TMEM132C: variants seen among roughly 807,000 people sequenced by gnomAD.
The protein encoded by TMEM132C is transmembrane protein 132C, also known as protein phosphatase 1, regulatory subunit 152.
Under a neutral mutation model 61.4 loss-of-function variants are expected in TMEM132C, and 29 were observed. That is an observed-to-expected ratio of 0.47 (90% CI 0.35 to 0.64). The LOEUF (loss-of-function observed/expected upper bound fraction) is 0.64, where lower values mean the gene tolerates loss of function less well. Among genes scored for constraint, TMEM132C ranks in the 30% least tolerant of loss-of-function variants. The pLI is 0.00. For synonymous variants in TMEM132C, 656 were observed against 633.1 expected, an observed-to-expected ratio of 1.04 and a Z score of -0.54; for missense variants, 1,408 against 1,476.9, an observed-to-expected ratio of 0.95 and a Z score of 0.76.
intron 1 of TMEM132C, among the ~76,000 whole-genome samples, chr12:128,312,482 A>G (rs896188618): frequency 2.6e-5 from 4 of 152,010 alleles, no homozygotes; most frequent in African/African-American, 4.8e-5. Context: ...ATTTTTGTAC[A>G]TTTTATGGAG....
At chr12:128,483,525 T>G (rs1871386883) in intron 2 of TMEM132C, among the ~76,000 whole-genome samples, 1 of 152,100 alleles carries the variant, frequency 6.6e-6, no homozygotes, top group South Asian at 2.1e-4. Flanking sequence ...CTGTGGTGGT[T>G]GTTTCCTCCC....
At chr12:128,390,002 CTGAG>C (rs1465534116) in intron 1 of TMEM132C, among the ~76,000 whole-genome samples, 1 of 152,180 alleles carries the variant, frequency 6.6e-6, no homozygotes, top group African/African-American at 2.4e-5. Flanking sequence ...CCCCAGTCTC[CTGAG>C]TATCTGGGCT....
intron 4 of TMEM132C, among the ~76,000 whole-genome samples, chr12:128,640,779 G>A (rs1271088173): frequency 6.6e-6 from 1 of 152,106 alleles, no homozygotes; most frequent in East Asian, 1.9e-4. Context: ...TCCAGCTACT[G>A]GGGAGGCTGA....
At chr12:128,577,774 G>A (rs1875172470) in intron 3 of TMEM132C, among the ~76,000 whole-genome samples, 1 of 152,178 alleles carries the variant, frequency 6.6e-6, no homozygotes, top group South Asian at 2.1e-4. Context: ...CCTGGGATGA[G>A]TCTCTCCTCC....
chr12:128,269,500 A>G (rs1408997439), intron 1 of TMEM132C, among the ~76,000 whole-genome samples: 2 of 152,096 alleles, frequency 1.3e-5, no homozygotes, highest in Non-Finnish European at 2.9e-5. Flanking sequence ...ATATTTGCAC[A>G]ACAAGGGAAA....
chr12:128,637,710 C>T (rs35954526), intron 4 of TMEM132C, among the ~76,000 whole-genome samples: 17,862 of 152,148 alleles, frequency 0.12, 1,188 homozygotes, highest in Non-Finnish European at 0.15. Context: ...CCCCATGTTC[C>T]TCTCGCCACG....
chr12:128,671,401 A>G (rs1178261309), intron 5 of TMEM132C, among the ~76,000 whole-genome samples: 2 of 152,196 alleles, frequency 1.3e-5, no homozygotes, highest in African/African-American at 4.8e-5. Flanking sequence ...TTACCAAGCC[A>G]GAAATGAAGC....
chr12:128,612,707 T>G (rs1367489577), intron 3 of TMEM132C, among the ~76,000 whole-genome samples: 1 of 152,246 alleles, frequency 6.6e-6, no homozygotes, highest in African/African-American at 2.4e-5. Context: ...AACAGTCACG[T>G]GTTATTTTTA....
At chr12:128,371,440 A>G (rs1330521004) in intron 1 of TMEM132C, among the ~76,000 whole-genome samples, 1 of 152,210 alleles carries the variant, frequency 6.6e-6, no homozygotes, top group Admixed American at 6.5e-5. Context: ...ATCAGAGCCA[A>G]CAGACTCATC....
At chr12:128,571,250 C>A (rs994724699) in intron 3 of TMEM132C, among the ~76,000 whole-genome samples, 1 of 152,190 alleles carries the variant, frequency 6.6e-6, no homozygotes, top group Non-Finnish European at 1.5e-5. Context: ...GCCTTCTACC[C>A]TTTTTTATTT....
At chr12:128,646,234 G>A (rs111591086) in intron 4 of TMEM132C, among the ~76,000 whole-genome samples, 4,492 of 139,624 alleles carry the variant, frequency 0.032, 202 homozygotes, top group African/African-American at 0.11. Context: ...ACTGGAGTCC[G>A]TCAGCGTTGG....
rs55760351 is a variant in TMEM132C, at chr12:128,706,172, C to T, written c.3204C>T (p.Cys1068=). 83,396 of 1,550,798 alleles carry T rather than the reference C, an allele frequency of 0.054. 2,962 individuals are homozygous for T. The highest frequency in any genetic ancestry group is 0.16 in the African/African-American group (12,052 of 73,104). Residue 1068 remains cysteine (C), a synonymous_variant, in exon 9 of 9, where the codon TGC becomes TGT. Coordinates refer to ENST00000435159, the MANE Select transcript of TMEM132C (RefSeq NM_001136103.3). ...TFTTIPPDDS[C]PTVNSIVSSN... is the part of the protein sequence containing the mutation. ...CCACCATCCCCCCGGACGACAGCTG[C>T]CCCACGGTGAACTCCATCGTCAGCA...
At chr12:128,567,828 G>C (rs1874754855) in intron 3 of TMEM132C, among the ~76,000 whole-genome samples, 1 of 152,194 alleles carries the variant, frequency 6.6e-6, no homozygotes, top group African/African-American at 2.4e-5. Flanking sequence ...TGATGTGAAG[G>C]TTCTAGGCTA....
chr12:128,582,520 C>A (rs569842038), intron 3 of TMEM132C, among the ~76,000 whole-genome samples: 1 of 150,256 alleles, frequency 6.7e-6, no homozygotes. Context: ...TCCCATAATT[C>A]CCATGTGTTG....
chr12:128,334,415 G>A (rs1872742258), intron 1 of TMEM132C, among the ~76,000 whole-genome samples: 1 of 152,100 alleles, frequency 6.6e-6, no homozygotes, highest in South Asian at 2.1e-4. Context: ...TCCCTATTGA[G>A]CCTGATGGTT....
At chr12:128,578,595 G>C (rs985067104) in intron 3 of TMEM132C, among the ~76,000 whole-genome samples, 1 of 152,002 alleles carries the variant, frequency 6.6e-6, no homozygotes, top group East Asian at 1.9e-4. Context: ...GGTTTTTGTT[G>C]TTGTTGTTGT....
intron 2 of TMEM132C, among the ~76,000 whole-genome samples, chr12:128,436,665 T>C (rs1869602886): frequency 6.6e-6 from 1 of 152,168 alleles, no homozygotes; most frequent in Admixed American, 6.5e-5. Flanking sequence ...GGAGAGGATG[T>C]GGAGAAATAG....
At chr12:128,457,305 T>TAAAAATAAAA (rs1870377910) in intron 2 of TMEM132C, among the ~76,000 whole-genome samples, 1 of 120,894 alleles carries the variant, frequency 8.3e-6, no homozygotes. Context: ...TCTCCATCTG[T>TAAAAATAAAA]AAAAAAAAAA....
chr12:128,340,165 G>A (rs1300834293), intron 1 of TMEM132C, among the ~76,000 whole-genome samples: 2 of 152,136 alleles, frequency 1.3e-5, no homozygotes, highest in African/African-American at 4.8e-5. Flanking sequence ...GGGATGTGCC[G>A]AAGGCCTTCA....
Sources: allele counts gnomAD v4.1 joint callset (sites outside exome capture counted in the v4.1 genomes callset), GRCh38; gene constraint gnomAD v4.1.1; transcripts MANE v1.5; gene names NCBI Gene and HGNC (gene_info 2026-07-23, HGNC 2026-07-21).